The following OSBPL1A variants were observed in gnomAD, a reference collection of about 807,000 sequenced individuals.
OSBPL1A encodes the protein oxysterol-binding protein-related protein 1.
In OSBPL1A, 80 loss-of-function variants were observed where a neutral mutation model predicts 137.1. That is an observed-to-expected ratio of 0.58 (90% CI 0.49 to 0.70). The LOEUF (loss-of-function observed/expected upper bound fraction) is 0.70, where lower values mean the gene tolerates loss of function less well. Ranked by LOEUF, OSBPL1A falls within the 30% of genes least tolerant of loss-of-function variation. The pLI is 0.00. For missense variants in OSBPL1A, 970 were observed against 1,129.4 expected (o/e 0.86, Z 2.02); for synonymous variants, 365 against 389.7 (o/e 0.94, Z 0.75).
At chr18:24,249,515 G>A (rs572650867) in intron 15 of OSBPL1A, among the ~76,000 whole-genome samples, 5 of 152,172 alleles carry the variant, frequency 3.3e-5, no homozygotes, top group Non-Finnish European at 5.9e-5. Flanking sequence ...ATTGAGGAGG[G>A]TCCAACAGAC....
chr18:24,330,312 T>C, intron 7 of OSBPL1A, among the ~76,000 whole-genome samples: 1 of 152,100 alleles, frequency 6.6e-6, no homozygotes, highest in East Asian at 1.9e-4. Context: ...CTTAACCTTT[T>C]CTGATAATCT....
chr18:24,171,595 A>C (rs1280744261), intron 22 of OSBPL1A, 97 bp from the exon 23 acceptor site: 1 of 927,456 alleles, frequency 1.1e-6, no homozygotes, highest in Non-Finnish European at 1.7e-6. Flanking sequence ...GCTACTGTTT[A>C]TGGATTTTCT....
At chr18:24,216,021 A>T (rs925970563) in intron 17 of OSBPL1A, among the ~76,000 whole-genome samples, 15 of 152,228 alleles carry the variant, frequency 9.9e-5, no homozygotes, top group African/African-American at 3.6e-4. Context: ...TTGGATATTT[A>T]CCTAAGATAT....
At chr18:24,327,568 C>G (rs962668354) in intron 7 of OSBPL1A, among the ~76,000 whole-genome samples, 1 of 152,142 alleles carries the variant, frequency 6.6e-6, no homozygotes, top group Non-Finnish European at 1.5e-5. Context: ...TGCCACCACA[C>G]CCGGCTAATT....
chr18:24,204,319 A>G (rs1599486608), intron 17 of OSBPL1A, among the ~76,000 whole-genome samples: 2 of 152,138 alleles, frequency 1.3e-5, no homozygotes, highest in South Asian at 4.1e-4. Context: ...ATGCTTAATG[A>G]CCATCTGAAT....
intron 5 of OSBPL1A, among the ~76,000 whole-genome samples, chr18:24,334,982 T>G (rs1226311675): frequency 1.3e-5 from 2 of 152,090 alleles, no homozygotes; most frequent in African/African-American, 4.8e-5. Flanking sequence ...TTCAAACTCC[T>G]GGGCTCACAC....
chr18:24,180,777 T>C (rs1462222010), intron 19 of OSBPL1A, among the ~76,000 whole-genome samples: 3 of 152,008 alleles, frequency 2.0e-5, no homozygotes, highest in African/African-American at 7.2e-5. Context: ...CTTGGGAGGC[T>C]GAGGCAGGAG....
intron 4 of OSBPL1A, among the ~76,000 whole-genome samples, chr18:24,360,542 T>A (rs1054476431): frequency 6.6e-6 from 1 of 152,164 alleles, no homozygotes; most frequent in Non-Finnish European, 1.5e-5. Flanking sequence ...AACACAATCA[T>A]GTAACTTCAG....
intron 5 of OSBPL1A, among the ~76,000 whole-genome samples, chr18:24,337,398 AC>A (rs1173902174): frequency 6.6e-6 from 1 of 151,492 alleles, no homozygotes; most frequent in Non-Finnish European, 1.5e-5. Flanking sequence ...ACATAACATA[AC>A]ATAACATAAC....
intron 1 of OSBPL1A, among the ~76,000 whole-genome samples, chr18:24,382,061 C>G (rs1478424110): frequency 1.3e-5 from 2 of 151,914 alleles, no homozygotes; most frequent in African/African-American, 4.8e-5. Context: ...GAAGACCCAG[C>G]CTGGCAACAT....
At chr18:24,283,282 ATATAT>A (rs1361116878) in intron 14 of OSBPL1A, among the ~76,000 whole-genome samples, 1 of 42,288 alleles carries the variant, frequency 2.4e-5, no homozygotes, top group Non-Finnish European at 4.3e-5. Context: ...AAAAAAAAAA[ATATAT>A]ATATATATAT....
intron 15 of OSBPL1A, among the ~76,000 whole-genome samples, chr18:24,252,775 T>C (rs1476891702): frequency 6.6e-6 from 1 of 152,004 alleles, no homozygotes; most frequent in African/African-American, 2.4e-5. Flanking sequence ...TTTCAAGACA[T>C]AGACAGTATA....
chr18:24,258,972 T>C (rs1274362329), intron 15 of OSBPL1A, among the ~76,000 whole-genome samples: 1 of 138,408 alleles, frequency 7.2e-6, no homozygotes, highest in Non-Finnish European at 1.5e-5. Flanking sequence ...GGAGTCTCGC[T>C]CTGTCGCCAG....
At chr18:24,353,382 C>T (rs1413786652) in intron 4 of OSBPL1A, among the ~76,000 whole-genome samples, 1 of 152,170 alleles carries the variant, frequency 6.6e-6, no homozygotes, top group African/African-American at 2.4e-5. Context: ...CATCTCACAC[C>T]ACTTAGAATG....
intron 9 of OSBPL1A, among the ~76,000 whole-genome samples, chr18:24,318,272 C>T (rs1048195532): frequency 1.1e-4 from 16 of 151,874 alleles, no homozygotes; most frequent in African/African-American, 3.4e-4. Flanking sequence ...GTTGAACCCT[C>T]GTCTCTACTA....
intron 15 of OSBPL1A, among the ~76,000 whole-genome samples, chr18:24,270,483 A>AG (rs1430788221): frequency 2.6e-5 from 4 of 152,184 alleles, no homozygotes; most frequent in Non-Finnish European, 5.9e-5. Context: ...AAGGGTTTTT[A>AG]AAGAGGGGAG....
chr18:24,332,385 C>CAA (rs71163675), intron 7 of OSBPL1A, among the ~76,000 whole-genome samples: 3,512 of 52,850 alleles, frequency 0.066, 673 homozygotes, highest in African/African-American at 0.089. Context: ...GACTCTGTCT[C>CAA]AAAAAAAAAA....
chr18:24,177,170 G>T (rs974245624), intron 21 of OSBPL1A, among the ~76,000 whole-genome samples: 1 of 152,192 alleles, frequency 6.6e-6, no homozygotes, highest in East Asian at 1.9e-4. Context: ...AGCCACCATC[G>T]CAGCAGGAGT....
At chr18:24,344,597 G>T (rs1159139386) in intron 4 of OSBPL1A, among the ~76,000 whole-genome samples, 1 of 152,218 alleles carries the variant, frequency 6.6e-6, no homozygotes, top group Non-Finnish European at 1.5e-5. Flanking sequence ...GCTGGAGGAA[G>T]ATGAGGCCCA....
Sources: allele counts gnomAD v4.1 joint callset (sites outside exome capture counted in the v4.1 genomes callset), GRCh38; gene constraint gnomAD v4.1.1; transcripts MANE v1.5; gene names NCBI Gene and HGNC (gene_info 2026-07-23, HGNC 2026-07-21).